Variants in GFRAL observed in about 807,000 individuals in gnomAD.
GFRAL encodes the protein GDNF family receptor alpha-like.
Under a neutral mutation model 45.4 loss-of-function variants are expected in GFRAL, and 36 were observed. The observed-to-expected ratio is 0.79, with a 90% confidence interval of 0.61 to 1.05. GFRAL has a LOEUF of 1.05. Among genes scored for constraint, GFRAL ranks in the 50% least tolerant of loss-of-function variants. The probability of loss-of-function intolerance (pLI) is 0.00; values close to 1 mark genes in which losing one functional copy is unlikely to be tolerated. For synonymous variants in GFRAL, 166 were observed against 154.1 expected (o/e 1.08, Z -0.57); for missense variants, 507 against 467.5 (o/e 1.08, Z -0.78).
At chr6:55,352,519 C>T (rs1327570982) in intron 5 of GFRAL, among the ~76,000 whole-genome samples, 2 of 152,058 alleles carry the variant, frequency 1.3e-5, no homozygotes, top group Non-Finnish European at 2.9e-5. Flanking sequence ...CCATTTTGAG[C>T]TGCTGAAGTC....
At chr6:55,398,348 T>G (rs1329125224) in intron 6 of GFRAL, among the ~76,000 whole-genome samples, 3 of 152,002 alleles carry the variant, frequency 2.0e-5, no homozygotes, top group Non-Finnish European at 2.9e-5. Flanking sequence ...ATCTCATTTT[T>G]CTTACTGCCT....
intron 6 of GFRAL, among the ~76,000 whole-genome samples, chr6:55,369,003 A>T (rs1768409415): frequency 6.6e-6 from 1 of 151,904 alleles, no homozygotes; most frequent in Non-Finnish European, 1.5e-5. Flanking sequence ...TTGTTTACCT[A>T]AGCAAGCCTG....
chr6:55,341,194 G>A (rs187476852), intron 3 of GFRAL, among the ~76,000 whole-genome samples: 2 of 152,312 alleles, frequency 1.3e-5, no homozygotes, highest in East Asian at 1.9e-4. Flanking sequence ...GCAGCACAGA[G>A]TTTGAAATCT....
intron 6 of GFRAL, among the ~76,000 whole-genome samples, chr6:55,375,255 G>A (rs1768508734): frequency 6.6e-6 from 1 of 152,134 alleles, no homozygotes; most frequent in Non-Finnish European, 1.5e-5. Flanking sequence ...CTATCCATGA[G>A]CATGGAATGT....
At chr6:55,396,348 CAATT>C (rs1277529350) in intron 6 of GFRAL, among the ~76,000 whole-genome samples, 1 of 152,086 alleles carries the variant, frequency 6.6e-6, no homozygotes, top group Non-Finnish European at 1.5e-5. Flanking sequence ...GAGTGTTTAA[CAATT>C]AAGGCAGTTA....
intron 6 of GFRAL, among the ~76,000 whole-genome samples, chr6:55,366,310 A>G (rs1481168721): frequency 1.3e-5 from 2 of 151,252 alleles, no homozygotes; most frequent in South Asian, 2.1e-4. Flanking sequence ...TTTTTATTGC[A>G]TCTATTTGAT....
At chr6:55,400,425 C>A (rs780300696) in intron 8 of GFRAL, among the ~76,000 whole-genome samples, 5 of 152,090 alleles carry the variant, frequency 3.3e-5, no homozygotes, top group Non-Finnish European at 7.4e-5. Flanking sequence ...ATAAACATAT[C>A]TTGCTCCTCC....
intron 6 of GFRAL, among the ~76,000 whole-genome samples, chr6:55,369,117 G>A (rs573042633): frequency 1.5e-4 from 23 of 151,496 alleles, no homozygotes; most frequent in African/African-American, 5.4e-4. Flanking sequence ...AGGACCCTCC[G>A]AGCCAGGTGC....
rs140184942 is a variant in GFRAL at position 55,331,575 on chromosome 6, G to A, written c.23-140G>A. On this transcript the variant is annotated intron_variant, in intron 1 of 8. Transcript: ENST00000340465. ...AATACAGATCTACAGCTAGAGAGGA[G>A]GTTAAGGTTATTCCCACCATCAATT... 1.4e-3 allele frequency: 870 copies of A among 619,664 alleles called. 6 individuals carry two copies. The highest frequency in any genetic ancestry group is 0.014 in the African/African-American group (718 of 52,372). 38.4% of individuals were successfully genotyped at this position (619,664 alleles called of 1,614,324 possible).
chr6:55,333,971 A>G, intron 3 of GFRAL, 27 bp downstream of exon 3: 1 of 1,382,134 alleles, frequency 7.2e-7, no homozygotes, highest in Non-Finnish European at 9.8e-7. Flanking sequence ...AGAAATGTTT[A>G]TAGTCATGAA....
Position 55,333,813 on chromosome 6 carries a change from A to G in GFRAL, c.185A>G (p.Asn62Ser), listed in dbSNP as rs753224702. Residue 62 changes from asparagine to serine, a missense_variant, in exon 3 of 9, where the codon AAT (asparagine) becomes AGT (serine). Asn to Ser is a conservative substitution (Grantham distance 46). Transcript: ENST00000340465. ...SDPGDPCKMR[N>S]SSYCNLSIQY... ...CCAGGTGACCCCTGCAAGATGAGGA[A>G]TTCATCATACTGTAACCTGAGTATC... is the stretch of plus-strand genomic sequence containing the variant. 6.2e-7 allele frequency: 1 copy of G among 1,603,252 alleles called. No homozygotes were observed. Among genetic ancestry groups the G allele is most frequent in the Non-Finnish European group, 8.5e-7 (1 of 1,174,780 alleles).
At chr6:55,345,034 A>T (rs1183945280) in intron 3 of GFRAL, among the ~76,000 whole-genome samples, 1 of 152,228 alleles carries the variant, frequency 6.6e-6, no homozygotes, top group East Asian at 1.9e-4. Context: ...GCTGAACAGA[A>T]TAAAAGAGGA....
chr6:55,365,239 TTGTC>T (rs1768344004), intron 6 of GFRAL, among the ~76,000 whole-genome samples: 3 of 143,946 alleles, frequency 2.1e-5, no homozygotes, highest in Admixed American at 2.1e-4. Flanking sequence ...GGCTCTCTGT[TTGTC>T]TGTTGTTGGT....
intron 6 of GFRAL, among the ~76,000 whole-genome samples, chr6:55,371,019 A>G (rs1215815925): frequency 6.6e-6 from 1 of 152,188 alleles, no homozygotes; most frequent in Non-Finnish European, 1.5e-5. Context: ...GCCATCCTGC[A>G]ACTGCTGCCA....
At chr6:55,362,991 A>G (rs897938979) in intron 6 of GFRAL, among the ~76,000 whole-genome samples, 2 of 151,016 alleles carry the variant, frequency 1.3e-5, no homozygotes, top group Non-Finnish European at 3.0e-5. Flanking sequence ...AAGAAGAGGA[A>G]ACAGGAAGGA....
intron 6 of GFRAL, among the ~76,000 whole-genome samples, chr6:55,366,090 A>C (rs1322129305): frequency 1.3e-5 from 2 of 151,762 alleles, no homozygotes. Flanking sequence ...TTGGTTGGTA[A>C]GCTATTGATT....
chr6:55,399,844 GT>G (rs1462686641), intron 8 of GFRAL, among the ~76,000 whole-genome samples: 1 of 152,064 alleles, frequency 6.6e-6, no homozygotes, highest in East Asian at 1.9e-4. Context: ...ACCTGAAGAT[GT>G]ATTCTTCACT....
chr6:55,384,894 C>T (rs79544212), intron 6 of GFRAL, among the ~76,000 whole-genome samples: 9,700 of 149,558 alleles, frequency 0.065, 509 homozygotes, highest in African/African-American at 0.14. Flanking sequence ...GACTCAGCTA[C>T]GGAGTTAGCC....
rs185247401 is a variant in GFRAL, at chr6:55,397,778, T to G, written c.953-1402T>G. Reference sequence around the variant, plus strand: ...ATAGCAGCAGCCCTAGGTGGAGAGATAACTGAATGGAACATTTGCTAATAA... The same window carrying G: ...ATAGCAGCAGCCCTAGGTGGAGAGAGAACTGAATGGAACATTTGCTAATAA... On this transcript the variant is annotated intron_variant, in intron 6 of 8. Transcript: ENST00000340465. Among the ~76,000 whole-genome samples the G allele has an allele frequency of 2.0e-5, 3 of 152,276 alleles. No homozygotes were observed. In the East Asian group the frequency reaches 5.8e-4, roughly 29 times the overall value.
Sources: gnomAD v4.1 joint callset for allele counts (sites outside exome capture counted in the v4.1 genomes callset) on GRCh38, gnomAD v4.1.1 for gene constraint, MANE v1.5 for transcripts, NCBI Gene and HGNC (gene_info 2026-07-23, HGNC 2026-07-21) for gene names.